Variants in CEP112 observed in about 807,000 individuals in gnomAD.
CEP112 encodes the protein centrosomal protein 112, also known as centrosomal protein of 112 kDa.
CEP112 carries 127 observed loss-of-function variants against 153.0 expected under a neutral mutation model. That is an observed-to-expected ratio of 0.83 (90% CI 0.72 to 0.96). The LOEUF (loss-of-function observed/expected upper bound fraction) is 0.96, where lower values mean the gene tolerates loss of function less well. CEP112 is among the 40% of genes least tolerant of loss of function. CEP112 has a pLI of 0.00. For missense variants in CEP112, 1,089 were observed against 1,101.2 expected, an observed-to-expected ratio of 0.99 and a Z score of 0.16; for synonymous variants, 358 against 374.4, an observed-to-expected ratio of 0.96 and a Z score of 0.51.
intron 2 of CEP112, among the ~76,000 whole-genome samples, chr17:66,179,181 T>C (rs893912415): frequency 6.6e-6 from 1 of 152,214 alleles, no homozygotes; most frequent in Non-Finnish European, 1.5e-5. Context: ...TCTGGGTCTT[T>C]TGTGGTTCCA....
intron 4 of CEP112, among the ~76,000 whole-genome samples, chr17:66,164,809 C>A (rs975610158): frequency 6.6e-6 from 1 of 151,042 alleles, no homozygotes; most frequent in Non-Finnish European, 1.5e-5. Context: ...GAGCCGAGAT[C>A]GTGCCATTGC....
intron 8 of CEP112, among the ~76,000 whole-genome samples, chr17:66,083,871 A>C (rs1312116427): frequency 6.6e-6 from 1 of 152,210 alleles, no homozygotes; most frequent in East Asian, 1.9e-4. Context: ...AGACAAAACA[A>C]CAAAAAAAGA....
chr17:66,025,716 T>C (rs2065172445), intron 16 of CEP112, among the ~76,000 whole-genome samples: 1 of 152,052 alleles, frequency 6.6e-6, no homozygotes, highest in Admixed American at 6.6e-5. Flanking sequence ...TGTAAATTAG[T>C]ATAATCTCCA....
chr17:66,171,813 C>A (rs554053809), intron 4 of CEP112, among the ~76,000 whole-genome samples: 1 of 151,958 alleles, frequency 6.6e-6, no homozygotes, highest in Non-Finnish European at 1.5e-5. Context: ...ACATAAGATA[C>A]CCTGAGATAT....
At chr17:66,180,908 CTT>C (rs2072692467) in intron 2 of CEP112, among the ~76,000 whole-genome samples, 1 of 152,076 alleles carries the variant, frequency 6.6e-6, no homozygotes, top group Admixed American at 6.5e-5. Context: ...AGGTTGGAAA[CTT>C]ATGCCTTTAA....
chr17:66,132,610 T>G, intron 5 of CEP112, 60 bp downstream of exon 5: 5 of 1,171,568 alleles, frequency 4.3e-6, no homozygotes, highest in Non-Finnish European at 5.1e-6. Context: ...AAATTAAAAC[T>G]TTGTTCAGCT....
intron 21 of CEP112, among the ~76,000 whole-genome samples, chr17:65,772,692 T>C (rs987805772): frequency 2.6e-5 from 4 of 152,006 alleles, no homozygotes; most frequent in African/African-American, 9.7e-5. Flanking sequence ...TTGAGGACCT[T>C]CTCCGGGTTA....
chr17:66,105,784 C>A (rs1752759880), intron 6 of CEP112, among the ~76,000 whole-genome samples: 2 of 152,006 alleles, frequency 1.3e-5, no homozygotes, highest in African/African-American at 4.8e-5. Flanking sequence ...CAGAGCCAGA[C>A]CCCATCTCAA....
intron 17 of CEP112, among the ~76,000 whole-genome samples, chr17:65,971,415 A>AGCATATATATTGGATGCATGTGATGTAT (rs1555740266): frequency 6.6e-6 from 1 of 151,416 alleles, no homozygotes; most frequent in East Asian, 1.9e-4. Flanking sequence ...GCACCCATGC[A>AGCATATATATTGGATGCATGTGATGTAT]GCATGCTGCA....
At chr17:66,009,288 C>T (rs899490376) in intron 16 of CEP112, among the ~76,000 whole-genome samples, 12 of 150,808 alleles carry the variant, frequency 8.0e-5, no homozygotes, top group African/African-American at 2.4e-4. Context: ...TTTTGATTTG[C>T]CTTTCCCTGA....
intron 20 of CEP112, among the ~76,000 whole-genome samples, chr17:65,898,758 T>C (rs747703024): frequency 1.3e-5 from 2 of 152,170 alleles, no homozygotes; most frequent in African/African-American, 2.4e-5. Flanking sequence ...GCACAATGGC[T>C]GCTGGTTACC....
At chr17:66,074,862 AAAAAAAAAAAG>A (rs2067430608) in intron 8 of CEP112, among the ~76,000 whole-genome samples, 4 of 149,410 alleles carry the variant, frequency 2.7e-5, no homozygotes, top group Non-Finnish European at 4.5e-5. Flanking sequence ...GCTCTGTCTA[AAAAAAAAAAAG>A]AAAAAAAAAA....
chr17:65,944,627 C>G (rs371288862), intron 18 of CEP112, among the ~76,000 whole-genome samples: 9 of 152,070 alleles, frequency 5.9e-5, no homozygotes, highest in South Asian at 2.1e-4. Flanking sequence ...CTCTGTCGCT[C>G]AGGCTAGAGT....
chr17:66,164,826 G>T (rs1345555208), intron 4 of CEP112, among the ~76,000 whole-genome samples: 2 of 151,582 alleles, frequency 1.3e-5, no homozygotes, highest in African/African-American at 4.8e-5. Flanking sequence ...TTGCACTCCA[G>T]CCTGGGCAAC....
intron 23 of CEP112, among the ~76,000 whole-genome samples, chr17:65,738,781 A>G (rs2050952361): frequency 1.3e-5 from 2 of 152,362 alleles, no homozygotes; most frequent in South Asian, 4.1e-4. Context: ...AGGAATATAG[A>G]TATTTTCCTC....
intron 20 of CEP112, among the ~76,000 whole-genome samples, chr17:65,900,411 C>T (rs2059803124): frequency 6.6e-6 from 1 of 152,030 alleles, no homozygotes; most frequent in South Asian, 2.1e-4. Context: ...AATTAATAGC[C>T]TCATTGTACT....
chr17:65,762,566 A>G (rs1339257467), intron 21 of CEP112, among the ~76,000 whole-genome samples: 1 of 151,504 alleles, frequency 6.6e-6, no homozygotes, highest in Non-Finnish European at 1.5e-5. Flanking sequence ...AGCATATTCC[A>G]TTTTCTCTCC....
At chr17:65,861,316 A>G (rs1166078284) in intron 20 of CEP112, among the ~76,000 whole-genome samples, 1 of 152,224 alleles carries the variant, frequency 6.6e-6, no homozygotes, top group Non-Finnish European at 1.5e-5. Flanking sequence ...TGTGAGACCA[A>G]ACTTTTAAAA....
At chr17:65,957,425 C>T (rs2062039157) in intron 18 of CEP112, among the ~76,000 whole-genome samples, 1 of 152,076 alleles carries the variant, frequency 6.6e-6, no homozygotes, top group South Asian at 2.1e-4. Flanking sequence ...CGATTGAGTA[C>T]TCTTGCCTTT....
Sources: gnomAD v4.1 joint callset for allele counts (sites outside exome capture counted in the v4.1 genomes callset) on GRCh38, gnomAD v4.1.1 for gene constraint, MANE v1.5 for transcripts, NCBI Gene and HGNC (gene_info 2026-07-23, HGNC 2026-07-21) for gene names.